The following IDO2 variants were observed in gnomAD, a reference collection of about 807,000 sequenced individuals.
IDO2 encodes the protein indoleamine 2,3-dioxygenase-like 1 protein.
A neutral mutation model predicts 45.1 loss-of-function variants in IDO2; 46 were observed. The ratio of observed to expected loss-of-function variants is 1.02; its 90% confidence interval spans 0.80 to 1.30. The LOEUF is 1.30. Among genes scored for constraint, IDO2 ranks in the 50% most tolerant of loss-of-function variants. The probability of loss-of-function intolerance (pLI) is 0.00; values close to 1 mark genes in which losing one functional copy is unlikely to be tolerated. For missense variants in IDO2, 544 were observed against 491.8 expected, an observed-to-expected ratio of 1.11 and a Z score of -1.00; for synonymous variants, 218 against 184.9, an observed-to-expected ratio of 1.18 and a Z score of -1.45.
At chr8:39,952,011 T>G (rs1193447321) in intron 2 of IDO2, among the ~76,000 whole-genome samples, 2 of 152,206 alleles carry the variant, frequency 1.3e-5, no homozygotes, top group African/African-American at 4.8e-5. Context: ...GGGAAAGTGG[T>G]TTTACTGTGT....
In IDO2 at chr8:39,987,856, C is replaced by T. The variant is rs775501660; in HGVS notation, c.450-15C>T. On this transcript the variant is annotated splice_polypyrimidine_tract_variant and intron_variant, in intron 6 of 10. Transcript: ENST00000502986. ...GTCTCCACACCTCTAATCATGTGCT[C>T]CTCTCCTTCCCAAGGAACCTGGAGA... 6 of 1,521,846 alleles carry T rather than the reference C, an allele frequency of 3.9e-6. No homozygotes were observed. Among genetic ancestry groups the T allele is most frequent in the Non-Finnish European group, 5.4e-6 (6 of 1,103,626 alleles). 94.3% of individuals were successfully genotyped at this position (1,521,846 alleles called of 1,614,324 possible). A position where few individuals can be genotyped will look rare whatever the true frequency, so the allele number is the denominator to read the frequency against.
intron 8 of IDO2, among the ~76,000 whole-genome samples, chr8:39,996,220 C>T (rs905249257): frequency 6.6e-6 from 1 of 152,176 alleles, no homozygotes; most frequent in Non-Finnish European, 1.5e-5. Context: ...CTGCAGTCAT[C>T]TGGAGGCCTA....
chr8:39,958,156 C>T (rs536807148), intron 2 of IDO2, among the ~76,000 whole-genome samples: 2 of 152,084 alleles, frequency 1.3e-5, no homozygotes, highest in Non-Finnish European at 1.5e-5. Context: ...CTGCCCGCAT[C>T]GGCCTCCTAG....
chr8:39,993,084 T>C (rs562991790), intron 8 of IDO2, among the ~76,000 whole-genome samples: 86 of 152,330 alleles, frequency 5.6e-4, no homozygotes, highest in African/African-American at 2.0e-3. Context: ...TGCCACTGCC[T>C]GCCGCCTGTC....
At chr8:39,935,784 C>G (rs1377612539) in intron 1 of IDO2, among the ~76,000 whole-genome samples, 3 of 152,132 alleles carry the variant, frequency 2.0e-5, no homozygotes, top group Non-Finnish European at 2.9e-5. Flanking sequence ...TTGACAATGG[C>G]ACAGTCAAGA....
At chr8:40,006,367 A>G (rs1193179918) in intron 9 of IDO2, among the ~76,000 whole-genome samples, 1 of 152,232 alleles carries the variant, frequency 6.6e-6, no homozygotes, top group African/African-American at 2.4e-5. Flanking sequence ...TTCTGAGCAC[A>G]TTTAAGGGCA....
chr8:39,983,508 G>A (rs949263040), intron 5 of IDO2, among the ~76,000 whole-genome samples: 1 of 152,154 alleles, frequency 6.6e-6, no homozygotes, highest in East Asian at 1.9e-4. Flanking sequence ...TGCCAGAGGC[G>A]ATGATGGGAA....
intron 9 of IDO2, among the ~76,000 whole-genome samples, chr8:40,012,447 T>G (rs1002028413): frequency 2.1e-4 from 32 of 152,292 alleles, no homozygotes; most frequent in African/African-American, 7.5e-4. Flanking sequence ...TTACTTTATC[T>G]ATGAAATGAA....
intron 2 of IDO2, among the ~76,000 whole-genome samples, chr8:39,961,252 A>T (rs893300179): frequency 1.4e-5 from 2 of 147,314 alleles, no homozygotes; most frequent in African/African-American, 5.0e-5. Flanking sequence ...ACATGGCTTT[A>T]TACACTCTTG....
intron 8 of IDO2, among the ~76,000 whole-genome samples, chr8:40,001,331 C>T (rs1802134466): frequency 6.9e-6 from 1 of 144,870 alleles, no homozygotes; most frequent in African/African-American, 2.6e-5. Flanking sequence ...CTCACCACAA[C>T]CTCCACTTCC....
chr8:39,948,311 G>T (rs977534438), intron 1 of IDO2, among the ~76,000 whole-genome samples: 1 of 152,098 alleles, frequency 6.6e-6, no homozygotes, highest in Non-Finnish European at 1.5e-5. Flanking sequence ...CTGAGCTTCT[G>T]GCAGGCCCTT....
rs545257087 is a variant in IDO2, at chr8:39,953,459, T to A, written c.99+4195T>A. Among the ~76,000 whole-genome samples the A allele has an allele frequency of 2.0e-4, 31 of 152,358 alleles. 1 individual carries two copies. In the South Asian group the frequency reaches 6.0e-3, roughly 30 times the overall value. On this transcript the variant is annotated intron_variant, in intron 2 of 10. Coordinates refer to ENST00000502986, the Ensembl canonical transcript of IDO2. ...TAGTCAACTGCTTTTTTAGGCTCTA[T>A]GACTGATAGAAATCTTTCACTTTTA...
chr8:39,989,660 C>T (rs1170470514), intron 7 of IDO2, 61 bp from the exon 8 acceptor site: 13 of 1,198,886 alleles, frequency 1.1e-5, no homozygotes, highest in Non-Finnish European at 1.5e-5. Flanking sequence ...ATGAGGCTTA[C>T]TCTGCCTGCA....
At chr8:39,988,320 A>T (rs1808453731) in intron 7 of IDO2, among the ~76,000 whole-genome samples, 1 of 151,868 alleles carries the variant, frequency 6.6e-6, no homozygotes, top group African/African-American at 2.4e-5. Context: ...GAGCCACTGC[A>T]CCGGGCCTCA....
chr8:39,939,546 CAAAAAAAAAAAAAAAAA>C (rs55892879), intron 1 of IDO2, among the ~76,000 whole-genome samples: 3 of 71,268 alleles, frequency 4.2e-5, no homozygotes, highest in Non-Finnish European at 7.3e-5. Flanking sequence ...GACTCTGTCT[CAAAAAAAAAAAAAAAAA>C]AAAAAAAAAG....
At chr8:39,947,787 C>CTT (rs34173446) in intron 1 of IDO2, among the ~76,000 whole-genome samples, 1 of 137,420 alleles carries the variant, frequency 7.3e-6, no homozygotes, top group Non-Finnish European at 1.6e-5. Flanking sequence ...AGTGCTATTT[C>CTT]TTTTTTTTTT....
At chr8:39,962,614 C>T (rs2543048) in intron 2 of IDO2, among the ~76,000 whole-genome samples, 29,590 of 151,980 alleles carry the variant, frequency 0.19, 2,880 homozygotes, top group East Asian at 0.27. Flanking sequence ...GTGAGGATGA[C>T]GGAATTTATT....
intron 4 of IDO2, among the ~76,000 whole-genome samples, 173 bp from the exon 5 acceptor site, chr8:39,982,479 A>T (rs932912785): frequency 5.9e-5 from 9 of 152,144 alleles, no homozygotes; most frequent in Non-Finnish European, 1.2e-4. Flanking sequence ...CCACTGGGTC[A>T]TTAACAGAAA....
At chr8:39,997,304 T>C (rs759905106) in intron 8 of IDO2, among the ~76,000 whole-genome samples, 2 of 152,068 alleles carry the variant, frequency 1.3e-5, no homozygotes, top group South Asian at 2.1e-4. Flanking sequence ...ATACAATACA[T>C]GCAGGAGTCT....
Sources: allele counts gnomAD v4.1 joint callset (sites outside exome capture counted in the v4.1 genomes callset), GRCh38; gene constraint gnomAD v4.1.1; transcripts MANE v1.5; gene names NCBI Gene and HGNC (gene_info 2026-07-23, HGNC 2026-07-21).